CCNI: variants seen among roughly 807,000 people sequenced by gnomAD.
CCNI encodes cyclin I, also known as cyclin-I.
CCNI carries 14 observed loss-of-function variants against 34.1 expected under a neutral mutation model. The ratio of observed to expected loss-of-function variants is 0.41; its 90% CI spans 0.27 to 0.64. The LOEUF is 0.64. Ranked by LOEUF, CCNI falls within the 30% of genes least tolerant of loss-of-function variation. CCNI has a pLI of 0.31. For synonymous variants in CCNI, 154 were observed against 158.4 expected (o/e 0.97, Z 0.21); for missense variants, 385 against 440.5 (o/e 0.87, Z 1.13).
chr4:77,059,610 T>C (rs553004320), intron 2 of CCNI, among the ~76,000 whole-genome samples: 5 of 152,216 alleles, frequency 3.3e-5, no homozygotes, highest in African/African-American at 9.6e-5. Context: ...CTTATTAATA[T>C]TGATTTCAGT....
At chr4:77,073,147 G>GC (rs1420004441) in intron 1 of CCNI, among the ~76,000 whole-genome samples, 6 of 152,138 alleles carry the variant, frequency 3.9e-5, no homozygotes, top group African/African-American at 1.4e-4. Flanking sequence ...TTTTAGAAAA[G>GC]CAAGAAATAA....
chr4:77,053,210 G>A (rs1727986903), intron 6 of CCNI, among the ~76,000 whole-genome samples: 1 of 152,252 alleles, frequency 6.6e-6, no homozygotes, highest in East Asian at 1.9e-4. Context: ...AAGGGGGACT[G>A]GGAAAGGGTT....
chr4:77,075,649 G>GGGCGCGGGCGCT lies in CCNI; in HGVS notation c.-233_-222dup, dbSNP rs1300064099. The GGGCGCGGGCGCT allele has an allele frequency of 6.3e-6, 5 of 795,944 alleles. No individual in the cohort carries two copies. The highest frequency in any genetic ancestry group is 1.6e-4 in the Admixed American group (2 of 12,234). The allele number at this position is 795,944 out of a possible 1,614,324, so 49.3% of individuals were successfully genotyped here. A position where few individuals can be genotyped will look rare whatever the true frequency, so the allele number is the denominator to read the frequency against. ...AAAGGGGAAGCGGATCGGGGGGCGCGGGCGCGGGCGCTGGCGCTCGAGCGG... is the reference window on the plus strand; with the variant it reads ...AAAGGGGAAGCGGATCGGGGGGCGCGGGCGCGGGCGCTGGCGCGGGCGCTGGCGCTCGAGCGG... On this transcript the variant is annotated 5_prime_UTR_variant, in exon 1 of 7. Transcript: ENST00000237654.
chr4:77,060,248 T>G (rs1033214119), intron 2 of CCNI, among the ~76,000 whole-genome samples: 1 of 152,224 alleles, frequency 6.6e-6, no homozygotes, highest in African/African-American at 2.4e-5. Flanking sequence ...GAGATTATCA[T>G]ATAGTTATAA....
intron 3 of CCNI, 107 bp from the exon 4 acceptor site, chr4:77,056,430 C>T (rs1191927676): frequency 2.7e-6 from 2 of 733,930 alleles, no homozygotes; most frequent in Non-Finnish European, 4.8e-6. Flanking sequence ...CAGGTATACA[C>T]AAAATACTAT....
chr4:77,073,828 C>A (rs1295635561), intron 1 of CCNI, among the ~76,000 whole-genome samples: 1 of 152,098 alleles, frequency 6.6e-6, no homozygotes, highest in African/African-American at 2.4e-5. Context: ...ATAATGAATT[C>A]TTTGATGTTA....
chr4:77,075,578 C>A lies in CCNI; in HGVS notation c.-150G>T, dbSNP rs953083126. The stretch of plus-strand genomic sequence containing the variant: ...CGTTACCACCTCATTCTCATAGGCG[C>A]GCGGAGGCGGTGCGCGCGGGACGAC... On this transcript the variant is annotated 5_prime_UTR_variant, in exon 1 of 7. Transcript: ENST00000237654. The A allele has an allele frequency of 1.0e-6, 1 of 988,154 alleles. No individual in the cohort carries two copies. Among genetic ancestry groups the A allele is most frequent in the Non-Finnish European group, 1.2e-6 (1 of 830,528 alleles). 61.2% of individuals were successfully genotyped at this position (988,154 alleles called of 1,614,324 possible).
intron 5 of CCNI, among the ~76,000 whole-genome samples, 194 bp downstream of exon 5, chr4:77,055,768 A>T (rs958513817): frequency 6.6e-6 from 1 of 152,132 alleles, no homozygotes; most frequent in African/African-American, 2.4e-5. Flanking sequence ...CGCCCAGCCT[A>T]ACCTATTCAA....
chr4:77,056,185 G>A (rs1728214229), intron 4 of CCNI, 64 bp downstream of exon 4: 2 of 1,593,742 alleles, frequency 1.3e-6, no homozygotes, highest in African/African-American at 2.7e-5. Flanking sequence ...AGCAAACGAA[G>A]CAAGTTAATA....
intron 1 of CCNI, among the ~76,000 whole-genome samples, chr4:77,072,876 G>C (rs1729592283): frequency 6.6e-6 from 1 of 151,992 alleles, no homozygotes; most frequent in South Asian, 2.1e-4. Context: ...GCAGTATAGG[G>C]TCATAATGTA....
chr4:77,068,063 A>T lies in CCNI; in HGVS notation c.-43-1658T>A, dbSNP rs187605459. On this transcript the variant is annotated intron_variant, in intron 1 of 6. Transcript: ENST00000237654. ...CATGGTGGCAGGCACCTGTAATCCC[A>T]GTTACTTGGAAGCCTGAGGCAGGAA... Among the ~76,000 whole-genome samples, 403 of 152,156 alleles carry T rather than the reference A, an allele frequency of 2.6e-3. 1 individual carries two copies. The highest frequency in any genetic ancestry group is 9.2e-3 in the African/African-American group (382 of 41,512).
intron 6 of CCNI, among the ~76,000 whole-genome samples, chr4:77,049,409 G>T (rs4252942): frequency 0.043 from 6,506 of 152,240 alleles, 184 homozygotes; most frequent in Non-Finnish European, 0.065. Flanking sequence ...CAGGCGTGGT[G>T]GCTCATGCCT....
chr4:77,069,234 T>C lies in CCNI; in HGVS notation c.-43-2829A>G, dbSNP rs1050321445. On this transcript the variant is annotated intron_variant, in intron 1 of 6. Transcript: ENST00000237654. Reference sequence around the variant, plus strand: ...GAGTTCGACGCCAGCCTGGGCAATGTGGTGAAACTCCATCTCTATAAAACA... The same window carrying C: ...GAGTTCGACGCCAGCCTGGGCAATGCGGTGAAACTCCATCTCTATAAAACA... Among the ~76,000 whole-genome samples the C allele has an allele frequency of 2.0e-5, 3 of 152,246 alleles. No individual in the cohort carries two copies. The South Asian group carries it at 6.2e-4, about 32-fold the overall frequency.
intron 1 of CCNI, among the ~76,000 whole-genome samples, chr4:77,071,276 G>C (rs977293678): frequency 6.6e-6 from 1 of 152,128 alleles, no homozygotes; most frequent in African/African-American, 2.4e-5. Flanking sequence ...GGTCAAAGAA[G>C]AGTCACAGGG....
intron 1 of CCNI, among the ~76,000 whole-genome samples, chr4:77,067,837 T>A (rs1729167179): frequency 6.9e-6 from 1 of 144,880 alleles, no homozygotes. Flanking sequence ...ACTACAGACT[T>A]GAGGTTTGAC....
intron 6 of CCNI, among the ~76,000 whole-genome samples, chr4:77,051,117 A>G (rs1464542872): frequency 6.6e-6 from 1 of 151,776 alleles, no homozygotes; most frequent in Non-Finnish European, 1.5e-5. Flanking sequence ...TGTAGATTCA[A>G]TGTAGTACTC....
At chr4:77,055,792 G>A (rs1560772951) in intron 5 of CCNI, among the ~76,000 whole-genome samples, 170 bp downstream of exon 5, 1 of 152,092 alleles carries the variant, frequency 6.6e-6, no homozygotes, top group African/African-American at 2.4e-5. Flanking sequence ...CTAAGTCTGC[G>A]AATTAAGCTT....
At chr4:77,061,080 T>C (rs1728569640) in intron 2 of CCNI, among the ~76,000 whole-genome samples, 1 of 152,148 alleles carries the variant, frequency 6.6e-6, no homozygotes, top group Non-Finnish European at 1.5e-5. Flanking sequence ...TAGTAAAATT[T>C]AACAACAGGG....
intron 2 of CCNI, among the ~76,000 whole-genome samples, chr4:77,061,818 C>T (rs1303201863): frequency 6.6e-6 from 1 of 152,080 alleles, no homozygotes; most frequent in Admixed American, 6.6e-5. Flanking sequence ...TACAGGCACC[C>T]GCCACCACAC....
Sources: allele counts gnomAD v4.1 joint callset (sites outside exome capture counted in the v4.1 genomes callset), GRCh38; gene constraint gnomAD v4.1.1; transcripts MANE v1.5; gene names NCBI Gene and HGNC (gene_info 2026-07-23, HGNC 2026-07-21).